Variants in ARHGAP10 observed in about 807,000 individuals in gnomAD.
ARHGAP10 encodes Rho GTPase activating protein 10, also known as rho GTPase-activating protein 10.
A neutral mutation model predicts 108.6 loss-of-function variants in ARHGAP10; 87 were observed. That is an observed-to-expected ratio of 0.80 (90% CI 0.67 to 0.96). The LOEUF (loss-of-function observed/expected upper bound fraction) is 0.96, where lower values mean the gene tolerates loss of function less well. Ranked by LOEUF, ARHGAP10 falls within the 40% of genes least tolerant of loss-of-function variation. ARHGAP10 has a pLI of 0.00. For missense variants in ARHGAP10, 939 were observed against 954.5 expected (o/e 0.98, Z 0.21); for synonymous variants, 347 against 341.1 (o/e 1.02, Z -0.19).
chr4:147,901,699 C>A (rs1301711733), intron 10 of ARHGAP10, among the ~76,000 whole-genome samples: 1 of 152,060 alleles, frequency 6.6e-6, no homozygotes, highest in Non-Finnish European at 1.5e-5. Flanking sequence ...TTGCTTTTTC[C>A]CTTACTTCAG....
intron 1 of ARHGAP10, among the ~76,000 whole-genome samples, chr4:147,786,969 T>C (rs576016260): frequency 3.9e-5 from 6 of 152,366 alleles, no homozygotes; most frequent in East Asian, 1.9e-4. Context: ...TCATTTCTTA[T>C]CTCCACCTCT....
chr4:147,793,224 A>ATG (rs1324649431), intron 1 of ARHGAP10, among the ~76,000 whole-genome samples: 1 of 151,654 alleles, frequency 6.6e-6, no homozygotes, highest in Admixed American at 6.6e-5. Flanking sequence ...ATATGTATAT[A>ATG]TGTGTGTGTG....
At chr4:147,778,949 C>T (rs923515774) in intron 1 of ARHGAP10, among the ~76,000 whole-genome samples, 1 of 152,162 alleles carries the variant, frequency 6.6e-6, no homozygotes, top group Non-Finnish European at 1.5e-5. Flanking sequence ...GGAAGCTGTC[C>T]TGTGAACTAA....
At chr4:147,878,328 T>G (rs1735165219) in intron 8 of ARHGAP10, among the ~76,000 whole-genome samples, 1 of 152,138 alleles carries the variant, frequency 6.6e-6, no homozygotes, top group African/African-American at 2.4e-5. Flanking sequence ...ATCTCCTGAC[T>G]TCGTGATCCA....
chr4:147,805,704 C>T (rs964968400), intron 1 of ARHGAP10, among the ~76,000 whole-genome samples: 4 of 152,194 alleles, frequency 2.6e-5, no homozygotes, highest in Admixed American at 2.6e-4. Flanking sequence ...AATTCCAGCA[C>T]TTTGGGAGGC....
chr4:148,039,353 A>C (rs1422434439), intron 19 of ARHGAP10, among the ~76,000 whole-genome samples: 9 of 139,736 alleles, frequency 6.4e-5, no homozygotes, highest in Non-Finnish European at 1.1e-4. Context: ...TTAATACTTT[A>C]AGAATACTAC....
chr4:147,949,901 T>C (rs1738530975), intron 15 of ARHGAP10, among the ~76,000 whole-genome samples: 1 of 152,214 alleles, frequency 6.6e-6, no homozygotes, highest in Admixed American at 6.5e-5. Context: ...ATTTGTTTAA[T>C]AAACTAGAGG....
At chr4:148,014,769 A>G (rs1560875442) in intron 18 of ARHGAP10, among the ~76,000 whole-genome samples, 1 of 152,110 alleles carries the variant, frequency 6.6e-6, no homozygotes, top group East Asian at 1.9e-4. Context: ...GCTATGCATC[A>G]CTATTTAGCG....
At position 147,822,765 on chromosome 4, in the gene ARHGAP10, A is replaced by G. The variant is rs755645181; in HGVS notation, c.193A>G (p.Arg65Gly). Residue 65 changes from arginine (R) to glycine (G), a missense_variant, in exon 2 of 23, where the codon AGA (arginine) becomes GGA (glycine). By Grantham distance (125) the Arg-to-Gly change is moderately radical. Coordinates refer to ENST00000336498, the MANE Select transcript of ARHGAP10 (RefSeq NM_024605.4). ...CCAGCGGAAGTTTGCTCATTCACTC[A>G]GAGACTTTAAGTTTGAGTTTATCGG... ...VAQRKFAHSL[R>G]DFKFEFIGDA... The G allele has an allele frequency of 5.0e-6, 8 of 1,614,180 alleles. No homozygotes were observed. Among genetic ancestry groups the G allele is most frequent in the Non-Finnish European group, 5.1e-6 (6 of 1,180,010 alleles).
chr4:147,883,728 T>G (rs1054177875), intron 10 of ARHGAP10, among the ~76,000 whole-genome samples: 1 of 152,112 alleles, frequency 6.6e-6, no homozygotes, highest in Admixed American at 6.5e-5. Context: ...GAGTCTCACT[T>G]TTTTTGCCCA....
chr4:147,846,482 T>C (rs193275100), intron 3 of ARHGAP10, among the ~76,000 whole-genome samples: 35 of 152,310 alleles, frequency 2.3e-4, no homozygotes, highest in Admixed American at 2.2e-3. Context: ...TTTATTTGCA[T>C]TTTCAGCATT....
chr4:148,003,547 A>G (rs1311264775), intron 18 of ARHGAP10, among the ~76,000 whole-genome samples: 2 of 152,154 alleles, frequency 1.3e-5, no homozygotes, highest in Non-Finnish European at 2.9e-5. Context: ...GTGGGAGTCT[A>G]AGTCTCTTTG....
rs1382212001 is a variant in ARHGAP10, at chr4:147,939,916, A to G, written c.1303+17A>G. ...TGTTGATGGGTATGCCTCTTTTCTA[A>G]TCATTTTTCCATGTGTTATTTGTGT... On this transcript the variant is annotated intron_variant, in intron 14 of 22. Coordinates refer to ENST00000336498, the MANE Select transcript of ARHGAP10 (RefSeq NM_024605.4). The G allele has an allele frequency of 1.2e-6, 2 of 1,602,448 alleles. No homozygotes were observed. Among genetic ancestry groups the G allele is most frequent in the Non-Finnish European group, 1.7e-6 (2 of 1,170,758 alleles).
At chr4:147,747,624 T>C (rs1327245460) in intron 1 of ARHGAP10, among the ~76,000 whole-genome samples, 1 of 151,834 alleles carries the variant, frequency 6.6e-6, no homozygotes, top group African/African-American at 2.4e-5. Flanking sequence ...TGCATGTGTT[T>C]CTAGAGCTAG....
At chr4:147,855,243 G>A (rs931726018) in intron 4 of ARHGAP10, among the ~76,000 whole-genome samples, 1 of 152,180 alleles carries the variant, frequency 6.6e-6, no homozygotes, top group African/African-American at 2.4e-5. Context: ...AGTAATGAGT[G>A]GCTAGGACTG....
chr4:147,876,795 C>G (rs1421762199), intron 8 of ARHGAP10, among the ~76,000 whole-genome samples: 1 of 152,186 alleles, frequency 6.6e-6, no homozygotes, highest in East Asian at 1.9e-4. Flanking sequence ...ATACCCAGCA[C>G]TGTGCTAAAT....
intron 1 of ARHGAP10, among the ~76,000 whole-genome samples, chr4:147,746,186 C>T (rs1172543380): frequency 6.6e-6 from 1 of 152,020 alleles, no homozygotes; most frequent in African/African-American, 2.4e-5. Flanking sequence ...TCACTGCATC[C>T]TCTGCCTCCG....
rs9991741 is a variant in ARHGAP10 at position 147,873,177 on chromosome 4, C to T, written c.703-1844C>T. Among the ~76,000 whole-genome samples the T allele has an allele frequency of 8.3e-4, 126 of 152,044 alleles. 1 individual carries two copies. Among genetic ancestry groups the T allele is most frequent in the Middle Eastern group, 3.4e-3 (1 of 294 alleles). Reference sequence around the variant, plus strand: ...AACAAGAGCTCCTTTCCAGGACTGGCGCAGGGAAAGTATAAGATGAGCCTA... The same window carrying T: ...AACAAGAGCTCCTTTCCAGGACTGGTGCAGGGAAAGTATAAGATGAGCCTA... On this transcript the variant is annotated intron_variant, in intron 7 of 22. Transcript: ENST00000336498.
chr4:147,866,048 G>C (rs1000973616), intron 6 of ARHGAP10: 2 of 152,120 alleles, frequency 1.3e-5, no homozygotes, highest in African/African-American at 2.4e-5. Flanking sequence ...GAGCCTGCTG[G>C]GTGTCAGAGC....
Sources: allele counts gnomAD v4.1 joint callset (sites outside exome capture counted in the v4.1 genomes callset), GRCh38; gene constraint gnomAD v4.1.1; transcripts MANE v1.5; gene names NCBI Gene and HGNC (gene_info 2026-07-23, HGNC 2026-07-21).